The following CNTLN variants were observed in gnomAD, a reference collection of about 807,000 sequenced individuals.
CNTLN encodes centlein.
Under a neutral mutation model 180.0 loss-of-function variants are expected in CNTLN, and 212 were observed. The ratio of observed to expected loss-of-function variants is 1.18; its 90% CI spans 1.05 to 1.32. The LOEUF (loss-of-function observed/expected upper bound fraction) is 1.32. Ranked by LOEUF, CNTLN falls within the 40% of genes most tolerant of loss-of-function variation. CNTLN has a pLI of 0.00. For missense variants in CNTLN, 2,095 were observed against 1,610.9 expected (o/e 1.30, Z -5.14); for synonymous variants, 722 against 563.1 (o/e 1.28, Z -3.99).
chr9:17,340,226 G>A (rs575153761), intron 10 of CNTLN, among the ~76,000 whole-genome samples: 2 of 152,226 alleles, frequency 1.3e-5, no homozygotes, highest in South Asian at 4.2e-4. Context: ...GCAATGTTTG[G>A]ATGGCTTGTT....
chr9:17,147,554 A>G (rs778117531), intron 2 of CNTLN, among the ~76,000 whole-genome samples: 1 of 151,902 alleles, frequency 6.6e-6, no homozygotes, highest in East Asian at 1.9e-4. Context: ...CCCTCGGTTT[A>G]TTTGTCTCTA....
chr9:17,207,728 T>C (rs557536028), intron 2 of CNTLN, among the ~76,000 whole-genome samples: 1 of 152,114 alleles, frequency 6.6e-6, no homozygotes, highest in African/African-American at 2.4e-5. Flanking sequence ...AATGAAGAAA[T>C]TGCCCACCTT....
intron 8 of CNTLN, among the ~76,000 whole-genome samples, chr9:17,317,865 A>G (rs1032848184): frequency 6.6e-6 from 1 of 152,102 alleles, no homozygotes; most frequent in Non-Finnish European, 1.5e-5. Context: ...TAAATGTGGG[A>G]CAGGTCTCCT....
chr9:17,394,692 A>G lies in CNTLN; in HGVS notation c.2238A>G (p.Ile746Met), dbSNP rs745624552. The G allele has an allele frequency of 1.9e-6, 3 of 1,613,980 alleles. No individual in the cohort carries two copies. Among genetic ancestry groups the G allele is most frequent in the Admixed American group, 1.7e-5 (1 of 59,998 alleles). The change falls in exon 15 of 26, where the codon ATA becomes ATG. Residue 746 changes from isoleucine (I) to methionine (M), a missense_variant. By Grantham distance (10) the Ile-to-Met change is conservative. Transcript: ENST00000380647. Reference protein sequence around the residue: ...TETREKELEQIIKGSKDVEKE... With the variant: ...TETREKELEQMIKGSKDVEKE... ...CCAGAGAAAAAGAGCTAGAACAGAT[A>G]ATAAAGGGGAGTAAAGATGTAGAAA...
chr9:17,406,052 A>T (rs928174898), intron 15 of CNTLN, among the ~76,000 whole-genome samples: 1 of 151,782 alleles, frequency 6.6e-6, no homozygotes, highest in African/African-American at 2.4e-5. Context: ...CAAATAGCCT[A>T]ATACAAATTC....
At chr9:17,209,714 C>T (rs1325773407) in intron 2 of CNTLN, among the ~76,000 whole-genome samples, 1 of 152,038 alleles carries the variant, frequency 6.6e-6, no homozygotes, top group East Asian at 1.9e-4. Flanking sequence ...TCTGTTTTGT[C>T]TAAGTATAGC....
chr9:17,423,895 T>C (rs1828903137), intron 18 of CNTLN, among the ~76,000 whole-genome samples: 1 of 152,168 alleles, frequency 6.6e-6, no homozygotes, highest in African/African-American at 2.4e-5. Flanking sequence ...GGAAGGATGA[T>C]GTAGGCAATG....
At chr9:17,265,231 T>A (rs1298797112) in intron 5 of CNTLN, among the ~76,000 whole-genome samples, 1 of 151,522 alleles carries the variant, frequency 6.6e-6, no homozygotes, top group East Asian at 1.9e-4. Flanking sequence ...ACCTAATTTA[T>A]TGAGAGTTTT....
rs370287194 is a variant in CNTLN, at chr9:17,298,826, G to A, written c.1146+474G>A. On this transcript the variant is annotated intron_variant, in intron 7 of 25. Coordinates refer to ENST00000380647, the MANE Select transcript of CNTLN (RefSeq NM_017738.4). ...TCCAGGATTTTTCTCTGTTTATTTT[G>A]TGTGTTTCTGTTCAGTAGTCTTTTA... 9.1e-6 allele frequency: 9 copies of A among 985,994 alleles called. No individual in the cohort carries two copies. In the African/African-American group the frequency reaches 1.0e-4, roughly 11 times the overall value. 61.1% of individuals were successfully genotyped at this position (985,994 alleles called of 1,614,324 possible).
At chr9:17,320,681 T>C (rs955774105) in intron 8 of CNTLN, among the ~76,000 whole-genome samples, 5 of 152,094 alleles carry the variant, frequency 3.3e-5, no homozygotes, top group Non-Finnish European at 5.9e-5. Flanking sequence ...TTTTGTATTT[T>C]TAGTAGACAC....
chr9:17,201,169 C>G (rs978020372), intron 2 of CNTLN, among the ~76,000 whole-genome samples: 14 of 152,184 alleles, frequency 9.2e-5, no homozygotes, highest in African/African-American at 3.4e-4. Context: ...GCCTTGCATC[C>G]TATGGATGAA....
At chr9:17,338,236 C>G (rs1821191866) in intron 10 of CNTLN, among the ~76,000 whole-genome samples, 1 of 150,670 alleles carries the variant, frequency 6.6e-6, no homozygotes, top group Non-Finnish European at 1.5e-5. Flanking sequence ...GCCATCTTTG[C>G]TCACTGCAAC....
At chr9:17,451,885 G>C (rs1830800303) in intron 18 of CNTLN, among the ~76,000 whole-genome samples, 2 of 152,204 alleles carry the variant, frequency 1.3e-5, no homozygotes, top group Non-Finnish European at 2.9e-5. Flanking sequence ...AGACTGAACT[G>C]TGTCTTTGAA....
intron 5 of CNTLN, among the ~76,000 whole-genome samples, chr9:17,248,471 A>G (rs1411535162): frequency 6.6e-6 from 1 of 150,594 alleles, no homozygotes; most frequent in East Asian, 1.9e-4. Context: ...GTTTCTAGCT[A>G]TTTGTCCATT....
intron 13 of CNTLN, among the ~76,000 whole-genome samples, chr9:17,384,869 C>T (rs1825565212): frequency 6.6e-6 from 1 of 152,180 alleles, no homozygotes; most frequent in African/African-American, 2.4e-5. Context: ...CTTCTCTAAA[C>T]TCCAATTGGG....
At chr9:17,508,529 C>T (rs1374625285), downstream of CNTLN, among the ~76,000 whole-genome samples, 2 of 152,160 alleles carry the variant, frequency 1.3e-5, no homozygotes, top group Non-Finnish European at 2.9e-5. Context: ...ACTGTTCCAT[C>T]AGCACAAAGA....
At chr9:17,485,257 A>G (rs1458155032) in intron 24 of CNTLN, among the ~76,000 whole-genome samples, 1 of 152,166 alleles carries the variant, frequency 6.6e-6, no homozygotes, top group African/African-American at 2.4e-5. Flanking sequence ...GTTCAATGAT[A>G]GACTTGGGTG....
At chr9:17,372,123 T>G (rs921049706) in intron 13 of CNTLN, among the ~76,000 whole-genome samples, 4 of 151,848 alleles carry the variant, frequency 2.6e-5, no homozygotes, top group Non-Finnish European at 4.4e-5. Context: ...AGAGCAGAGA[T>G]AAATAAAATT....
intron 8 of CNTLN, among the ~76,000 whole-genome samples, chr9:17,324,566 A>G (rs1303910303): frequency 6.6e-6 from 1 of 152,138 alleles, no homozygotes; most frequent in East Asian, 1.9e-4. Flanking sequence ...TGATATTTAC[A>G]TGTCATAGAA....
Sources: allele counts gnomAD v4.1 joint callset (sites outside exome capture counted in the v4.1 genomes callset), GRCh38; gene constraint gnomAD v4.1.1; transcripts MANE v1.5; gene names NCBI Gene and HGNC (gene_info 2026-07-23, HGNC 2026-07-21).